The following GRM8 variants were observed in gnomAD, a reference collection of about 807,000 sequenced individuals.
The protein encoded by GRM8 is glutamate metabotropic receptor 8.
GRM8 carries 47 observed loss-of-function variants against 87.2 expected under a neutral mutation model. That is an observed-to-expected ratio of 0.54 (90% CI 0.43 to 0.69). GRM8 has a LOEUF of 0.69. Among genes scored for constraint, GRM8 ranks in the 30% least tolerant of loss-of-function variants. GRM8 has a pLI of 0.00. For missense variants in GRM8, 1,019 were observed against 1,139.2 expected, an observed-to-expected ratio of 0.89 and a Z score of 1.52; for synonymous variants, 396 against 404.5, an observed-to-expected ratio of 0.98 and a Z score of 0.25.
chr7:126,782,395 T>C (rs1248929685), intron 6 of GRM8, among the ~76,000 whole-genome samples: 1 of 152,222 alleles, frequency 6.6e-6, no homozygotes, highest in Non-Finnish European at 1.5e-5. Context: ...TCTTGTTTTA[T>C]ATCATGTCTC....
chr7:126,791,026 T>C (rs1266759805), intron 6 of GRM8, among the ~76,000 whole-genome samples: 1 of 152,134 alleles, frequency 6.6e-6, no homozygotes, highest in African/African-American at 2.4e-5. Flanking sequence ...ACAGTGCCAG[T>C]GTTCTAAATG....
At position 126,685,620 on chromosome 7, in the gene GRM8, G is replaced by A. The variant is rs1039293903; in HGVS notation, c.1358-76122C>T. Among the ~76,000 whole-genome samples the A allele has an allele frequency of 6.6e-6, 1 of 152,122 alleles. No individual in the cohort carries two copies. The highest frequency in any genetic ancestry group is 2.4e-5 in the African/African-American group (1 of 41,432). ...TGAGCACTGTTGCAGTTTGGCCAGG[G>A]GCATATGCTCAGGGCAGCAGTGACC... On this transcript the variant is annotated intron_variant, in intron 7 of 10. Coordinates refer to ENST00000339582, the MANE Select transcript of GRM8 (RefSeq NM_000845.3). This position sits in a 1 kb window ranked among gnomAD's most constrained non-coding sequence, Gnocchi z 4.2.
chr7:127,223,791 T>C (rs774211457), intron 2 of GRM8, among the ~76,000 whole-genome samples: 4 of 151,550 alleles, frequency 2.6e-5, no homozygotes, highest in Admixed American at 6.6e-5. Context: ...AGAGCAACTA[T>C]AAATGTTCTT....
intron 7 of GRM8, among the ~76,000 whole-genome samples, chr7:126,643,310 AAAAAAAAAAATATATATATATATAT>A (rs1802642955): frequency 3.3e-5 from 1 of 30,702 alleles, no homozygotes; most frequent in Admixed American, 3.0e-4. Flanking sequence ...AAAAAAAAAA[AAAAAAAAAAATATATATATATATAT>A]ATATATATAT....
intron 2 of GRM8, among the ~76,000 whole-genome samples, chr7:127,230,300 C>T (rs1797603022): frequency 6.6e-6 from 1 of 152,102 alleles, no homozygotes; most frequent in African/African-American, 2.4e-5. Flanking sequence ...CTAGAGACTC[C>T]TAAAATAATC....
chr7:127,251,289 C>T (rs563999210), intron 1 of GRM8: 36 of 152,294 alleles, frequency 2.4e-4, no homozygotes, highest in Admixed American at 2.0e-3. Context: ...TCGCGTGTCC[C>T]TCCGCATTTC....
chr7:127,134,126 A>G (rs761236944), intron 2 of GRM8, among the ~76,000 whole-genome samples: 3 of 152,222 alleles, frequency 2.0e-5, no homozygotes, highest in Non-Finnish European at 2.9e-5. Flanking sequence ...TACAGAGCCT[A>G]GTACATAAAA....
At chr7:126,933,784 A>T (rs1806004355) in intron 3 of GRM8, among the ~76,000 whole-genome samples, 1 of 152,218 alleles carries the variant, frequency 6.6e-6, no homozygotes, top group African/African-American at 2.4e-5. Flanking sequence ...TGCTCAATAA[A>T]TATGGGGTAA....
intron 8 of GRM8, among the ~76,000 whole-genome samples, chr7:126,575,405 A>G (rs1346042139): frequency 1.3e-5 from 2 of 151,938 alleles, no homozygotes; most frequent in African/African-American, 4.8e-5. Context: ...ATTTCATTAT[A>G]TATTACAATG....
intron 9 of GRM8, among the ~76,000 whole-genome samples, chr7:126,476,779 T>C (rs1009795998): frequency 2.2e-4 from 34 of 151,986 alleles, no homozygotes; most frequent in African/African-American, 8.0e-4. Flanking sequence ...AAGGAAAACA[T>C]TGCACACTGT....
chr7:126,651,818 C>T (rs1032673132), intron 7 of GRM8, among the ~76,000 whole-genome samples: 27 of 151,922 alleles, frequency 1.8e-4, no homozygotes, highest in African/African-American at 4.4e-4. Context: ...AGATCAATTG[C>T]GGCGTCTCTT....
chr7:126,680,187 T>G (rs1406009520), intron 7 of GRM8, among the ~76,000 whole-genome samples: 2 of 152,088 alleles, frequency 1.3e-5, no homozygotes, highest in Admixed American at 6.5e-5. Flanking sequence ...CAACTGGTAG[T>G]TATTTATGGT....
chr7:126,797,571 C>G (rs1330631987), intron 6 of GRM8, among the ~76,000 whole-genome samples: 1 of 151,998 alleles, frequency 6.6e-6, no homozygotes, highest in African/African-American at 2.4e-5. Flanking sequence ...ATCAATAACT[C>G]TCAAGTAACA....
At chr7:126,668,650 C>G (rs1156603274) in intron 7 of GRM8, among the ~76,000 whole-genome samples, 1 of 152,200 alleles carries the variant, frequency 6.6e-6, no homozygotes, top group Admixed American at 6.5e-5. Flanking sequence ...CTCCATCAGA[C>G]AGTAAATAAG....
intron 9 of GRM8, among the ~76,000 whole-genome samples, chr7:126,494,608 CTTAT>C (rs1353174303): frequency 6.6e-6 from 1 of 152,002 alleles, no homozygotes; most frequent in Non-Finnish European, 1.5e-5. Context: ...TGACACTCTA[CTTAT>C]TTTCTTTTTA....
At position 127,022,256 on chromosome 7, in the gene GRM8, C is replaced by A. The variant is rs1184053269; in HGVS notation, c.727+84240G>T. 2.6e-5 allele frequency among the ~76,000 whole-genome samples: 4 copies of A among 151,628 alleles called. No individual in the cohort carries two copies. The East Asian group carries it at 7.7e-4, about 29-fold the overall frequency. ...TCTGAACTCTAAGCAATCTTGGAAG[C>A]AGTGGTTCTTAAGTATAGTTCCAAT... On this transcript the variant is annotated intron_variant, in intron 3 of 10. Coordinates refer to ENST00000339582, the MANE Select transcript of GRM8 (RefSeq NM_000845.3).
At chr7:126,960,408 T>C (rs1234699899) in intron 3 of GRM8, among the ~76,000 whole-genome samples, 3 of 152,080 alleles carry the variant, frequency 2.0e-5, no homozygotes, top group Non-Finnish European at 4.4e-5. Flanking sequence ...AACAGAAAAA[T>C]AGTTTTCATT....
At chr7:126,682,395 A>C (rs186289530) in intron 7 of GRM8, among the ~76,000 whole-genome samples, 13 of 152,330 alleles carry the variant, frequency 8.5e-5, no homozygotes, top group African/African-American at 3.1e-4. Context: ...TTTATTTCTC[A>C]TGAGATCATA....
intron 3 of GRM8, among the ~76,000 whole-genome samples, chr7:126,916,383 A>T (rs1444521789): frequency 1.3e-5 from 2 of 152,364 alleles, no homozygotes; most frequent in East Asian, 3.9e-4. Flanking sequence ...GATATAGTGA[A>T]ATTATCTAAT....
Sources: gnomAD v4.1 joint callset for allele counts (sites outside exome capture counted in the v4.1 genomes callset) on GRCh38, gnomAD v4.1.1 for gene constraint, Gnocchi (gnomAD v3.1) non-coding constraint, MANE v1.5 for transcripts, NCBI Gene and HGNC (gene_info 2026-07-23, HGNC 2026-07-21) for gene names.